ANXA4: variants seen among roughly 807,000 people sequenced by gnomAD.
ANXA4 encodes annexin A4.
ANXA4 carries 39 observed loss-of-function variants against 49.8 expected under a neutral mutation model. The observed-to-expected ratio is 0.78, with a 90% CI of 0.61 to 1.02. ANXA4 has a LOEUF of 1.02. ANXA4 is among the 50% of genes least tolerant of loss of function. The pLI is 0.00. For missense variants in ANXA4, 360 were observed against 410.1 expected (o/e 0.88, Z 1.05); for synonymous variants, 134 against 152.5 (o/e 0.88, Z 0.89).
At chr2:69,781,285 C>CA (rs1483092672) in intron 1 of ANXA4, 3 of 563,038 alleles carry the variant, frequency 5.3e-6, no homozygotes, top group Admixed American at 3.1e-5. Flanking sequence ...TGTGTATCTC[C>CA]AAACAGAAGA....
chr2:69,716,011 T>C (rs1274119850), intron 2 of ANXA4, among the ~76,000 whole-genome samples: 1 of 152,216 alleles, frequency 6.6e-6, no homozygotes, highest in Admixed American at 6.5e-5. Context: ...TTTCCCATAA[T>C]TTTAATAACC....
At chr2:69,812,827 C>A (rs1173667258) in intron 8 of ANXA4, 118 bp downstream of exon 8, 2 of 864,062 alleles carry the variant, frequency 2.3e-6, no homozygotes, top group South Asian at 1.7e-5. Context: ...TGGATATGTT[C>A]TTTAAAAATA....
intron 1 of ANXA4, among the ~76,000 whole-genome samples, chr2:69,753,968 C>G (rs1279387178): frequency 6.6e-6 from 1 of 152,224 alleles, no homozygotes; most frequent in East Asian, 1.9e-4. Context: ...GGGACTGGAA[C>G]TTGGTTCTTG....
chr2:69,702,899 C>T lies in ANXA4; in HGVS notation n.767-17875C>T, dbSNP rs141879108. On this transcript the variant is annotated intron_variant and non_coding_transcript_variant, in intron 2 of 3. Coordinates refer to the ANXA4 transcript ENST00000418066. ...ACATCAGTCATTTTCTATATGATTT[C>T]TGGGTTTTGTGCCATGTTTGCAAAG... Among the ~76,000 whole-genome samples, 150 of 152,230 alleles carry T rather than the reference C, an allele frequency of 9.9e-4. 1 individual carries two copies. Among genetic ancestry groups the T allele is most frequent in the African/African-American group, 3.2e-3 (135 of 41,552 alleles).
intron 2 of ANXA4, among the ~76,000 whole-genome samples, chr2:69,656,324 T>TAC (rs1676470994): frequency 1.0e-5 from 1 of 97,658 alleles, no homozygotes; most frequent in Non-Finnish European, 1.7e-5. Flanking sequence ...TATATATATG[T>TAC]ATATATATGT....
At position 69,798,007 on chromosome 2, in the gene ANXA4, T is replaced by C. The variant is rs150479661; in HGVS notation, c.98-6526T>C. Among the ~76,000 whole-genome samples, 641 of 152,316 alleles carry C rather than the reference T, an allele frequency of 4.2e-3. 5 individuals carry two copies. The highest frequency in any genetic ancestry group is 0.013 in the African/African-American group (545 of 41,570). ...GGAGAGAGAAGTCTGACCTGTGGCA[T>C]GCTGTCCCCACAGCATACCTCCTAA... On this transcript the variant is annotated intron_variant, in intron 3 of 12. Coordinates refer to ENST00000394295, the MANE Select transcript of ANXA4 (RefSeq NM_001153.5).
At chr2:69,751,169 G>C (rs1265876524) in intron 1 of ANXA4, among the ~76,000 whole-genome samples, 1 of 150,352 alleles carries the variant, frequency 6.7e-6, no homozygotes, top group Non-Finnish European at 1.5e-5. Flanking sequence ...TCACAGCCAG[G>C]ATTTGAACTT....
chr2:69,761,776 T>TAA (rs56109057), intron 1 of ANXA4, among the ~76,000 whole-genome samples: 5,812 of 135,202 alleles, frequency 0.043, 396 homozygotes, highest in African/African-American at 0.15. Context: ...GATGCTGTCT[T>TAA]AAAAAAAAAA....
intron 4 of ANXA4, among the ~76,000 whole-genome samples, chr2:69,805,433 G>A (rs1225861390): frequency 6.6e-5 from 10 of 151,742 alleles, no homozygotes; most frequent in Non-Finnish European, 1.3e-4. Context: ...GTGAAACCCC[G>A]TCTCTACTAA....
chr2:69,822,095 T>C (rs1220518861), intron 12 of ANXA4, among the ~76,000 whole-genome samples: 1 of 152,108 alleles, frequency 6.6e-6, no homozygotes, highest in Non-Finnish European at 1.5e-5. Flanking sequence ...GCATCGTGGC[T>C]CATGCCTGTA....
At chr2:69,812,039 A>G (rs1432751426) in intron 7 of ANXA4, among the ~76,000 whole-genome samples, 2 of 151,172 alleles carry the variant, frequency 1.3e-5, no homozygotes, top group Admixed American at 6.6e-5. Flanking sequence ...GGTGAGGGGT[A>G]GGGGGACATT....
At chr2:69,652,828 C>A (rs1156541504) in intron 1 of ANXA4, among the ~76,000 whole-genome samples, 1 of 152,166 alleles carries the variant, frequency 6.6e-6, no homozygotes, top group Non-Finnish European at 1.5e-5. Flanking sequence ...CACTGCACCC[C>A]AGCCTGGGCG....
chr2:69,794,860 C>G (rs1005165935), intron 3 of ANXA4, among the ~76,000 whole-genome samples: 1 of 152,106 alleles, frequency 6.6e-6, no homozygotes, highest in Non-Finnish European at 1.5e-5. Flanking sequence ...GTTTGAGTTT[C>G]TTTTATGAGG....
chr2:69,793,250 C>CAAAAAA (rs70954360), intron 3 of ANXA4, among the ~76,000 whole-genome samples: 7 of 128,578 alleles, frequency 5.4e-5, no homozygotes, highest in Admixed American at 8.2e-5. Context: ...GACTCCATCT[C>CAAAAAA]AAAAAAAAAA....
upstream of ANXA4, among the ~76,000 whole-genome samples, chr2:69,739,275 G>T (rs1670321177): frequency 6.6e-6 from 1 of 152,200 alleles, no homozygotes; most frequent in Non-Finnish European, 1.5e-5. Context: ...TGGTTTGGAA[G>T]TCGGCTTTCT....
chr2:69,790,639 A>T (rs932920133), intron 3 of ANXA4, among the ~76,000 whole-genome samples: 31 of 152,084 alleles, frequency 2.0e-4, no homozygotes, highest in African/African-American at 7.5e-4. Context: ...CCTTGGTCTT[A>T]CTTTCCCAAA....
intron 2 of ANXA4, among the ~76,000 whole-genome samples, chr2:69,708,676 G>A (rs1000948462): frequency 5.9e-5 from 9 of 152,142 alleles, no homozygotes; most frequent in Non-Finnish European, 1.2e-4. Context: ...TGCCCTTGAA[G>A]AAAGCTTTGC....
At chr2:69,701,726 C>CA (rs1678335155) in intron 2 of ANXA4, among the ~76,000 whole-genome samples, 1 of 152,296 alleles carries the variant, frequency 6.6e-6, no homozygotes, top group African/African-American at 2.4e-5. Context: ...TTCATGCTGC[C>CA]AGTTTACTCC....
chr2:69,799,009 AAAAATGTC>A (rs1302274917), intron 3 of ANXA4, among the ~76,000 whole-genome samples: 1 of 152,196 alleles, frequency 6.6e-6, no homozygotes, highest in Non-Finnish European at 1.5e-5. Context: ...AAGCAGTAGT[AAAAATGTC>A]AGGGTTTTTA....
Sources: gnomAD v4.1 joint callset for allele counts (sites outside exome capture counted in the v4.1 genomes callset) on GRCh38, gnomAD v4.1.1 for gene constraint, MANE v1.5 for transcripts, NCBI Gene and HGNC (gene_info 2026-07-23, HGNC 2026-07-21) for gene names.